The following FBXO21 variants were observed in gnomAD, a reference collection of about 807,000 sequenced individuals.
FBXO21 encodes F-box protein 21.
Under a neutral mutation model 76.6 loss-of-function variants are expected in FBXO21, and 32 were observed. The ratio of observed to expected loss-of-function variants is 0.42; its 90% CI spans 0.32 to 0.56. The LOEUF (loss-of-function observed/expected upper bound fraction) is 0.56, where lower values mean the gene tolerates loss of function less well. Ranked by LOEUF, FBXO21 falls within the 20% of genes least tolerant of loss-of-function variation. The pLI, the probability that FBXO21 is intolerant of heterozygous loss-of-function variation, is 0.16. For synonymous variants in FBXO21, 328 were observed against 311.5 expected (o/e 1.05, Z -0.56); for missense variants, 586 against 797.3 (o/e 0.73, Z 3.19).
intron 3 of FBXO21, among the ~76,000 whole-genome samples, chr12:117,181,926 C>A (rs1176966726): frequency 1.3e-5 from 2 of 152,176 alleles, no homozygotes; most frequent in Non-Finnish European, 1.5e-5. Flanking sequence ...CATGGGATTA[C>A]AGGTGTGAGC....
At chr12:117,158,388 C>G (rs528056829) in intron 9 of FBXO21, among the ~76,000 whole-genome samples, 10 of 152,308 alleles carry the variant, frequency 6.6e-5, no homozygotes, top group East Asian at 1.9e-4. Context: ...GAGGGCCCAC[C>G]ACCTAGGGCA....
At chr12:117,179,305 C>T (rs922950944) in intron 3 of FBXO21, among the ~76,000 whole-genome samples, 1 of 152,150 alleles carries the variant, frequency 6.6e-6, no homozygotes, top group Admixed American at 6.5e-5. Flanking sequence ...CCCTCCGGGG[C>T]CCCCCGCAAC....
intron 11 of FBXO21, among the ~76,000 whole-genome samples, chr12:117,154,074 G>A (rs2135850544): frequency 6.6e-6 from 1 of 152,330 alleles, no homozygotes; most frequent in Admixed American, 6.5e-5. Context: ...TTATTCTTGT[G>A]AACGCCATTT....
Position 117,189,380 on chromosome 12 carries a change from C to T in FBXO21, c.240-18G>A. On this transcript the variant is annotated intron_variant, in intron 1 of 11. Transcript: ENST00000622495. ...AAGGCCACCTACGAGGAGAGAAACACCCCCTCAGCTTAACAGAAACTCAAA... is the reference window on the plus strand; with the variant it reads ...AAGGCCACCTACGAGGAGAGAAACATCCCCTCAGCTTAACAGAAACTCAAA... The T allele has an allele frequency of 5.6e-6, 9 of 1,613,948 alleles. No homozygotes were observed. Among genetic ancestry groups the T allele is most frequent in the Non-Finnish European group, 7.6e-6 (9 of 1,179,886 alleles).
chr12:117,189,069 G>GA, intron 2 of FBXO21, 158 bp downstream of exon 2: 1 of 789,968 alleles, frequency 1.3e-6, no homozygotes. Context: ...TGGATAGGAG[G>GA]AAAAGGACAC....
chr12:117,168,218 T>G (rs993489183), intron 7 of FBXO21, among the ~76,000 whole-genome samples: 1 of 152,230 alleles, frequency 6.6e-6, no homozygotes, highest in Admixed American at 6.5e-5. Flanking sequence ...TGAGTCATAT[T>G]TATAACCTAC....
chr12:117,152,535 G>GGA (rs763059525), intron 11 of FBXO21, among the ~76,000 whole-genome samples: 3 of 150,604 alleles, frequency 2.0e-5, no homozygotes, highest in South Asian at 2.1e-4. Flanking sequence ...AAAAAGGGGG[G>GGA]AAAAAAAATG....
chr12:117,154,901 A>C (rs1000616096), intron 11 of FBXO21, among the ~76,000 whole-genome samples: 2 of 152,198 alleles, frequency 1.3e-5, no homozygotes, highest in Non-Finnish European at 2.9e-5. Context: ...AGGCTCTGTC[A>C]AGCTGCCTGG....
chr12:117,142,418 ATGT>A lies in FBXO21; in HGVS notation c.*3666_*3668del, dbSNP rs1367651023. The A allele has an allele frequency of 6.6e-6, 1 of 152,392 alleles. No homozygotes were observed. Among genetic ancestry groups the A allele is most frequent in the Admixed American group, 6.5e-5 (1 of 15,284 alleles). 9.4% of individuals were successfully genotyped at this position (152,392 alleles called of 1,614,324 possible). Reference sequence around the variant, plus strand: ...CCTGCAGCCTGTTTTTGAGCTAAGAATGTTGTTGACACTTTTAAAAACAGAGAA... The same window carrying A: ...CCTGCAGCCTGTTTTTGAGCTAAGAATGTTGACACTTTTAAAAACAGAGAA... On this transcript the variant is annotated 3_prime_UTR_variant, in exon 12 of 12. Transcript: ENST00000622495.
At chr12:117,163,687 A>G (rs907762238) in intron 9 of FBXO21, among the ~76,000 whole-genome samples, 1 of 152,184 alleles carries the variant, frequency 6.6e-6, no homozygotes, top group African/African-American at 2.4e-5. Flanking sequence ...TCACGCCTGC[A>G]GTCCCAGCAC....
In FBXO21 at chr12:117,190,365, A is replaced by T. The variant is rs1227195122; in HGVS notation, c.92T>A (p.Val31Asp). ...CTCCAGCACCTCACCCGGCAGGTTGACGAGGCAGCTGAGGCCCGCTACCTC... is the reference window on the plus strand; with the variant it reads ...CTCCAGCACCTCACCCGGCAGGTTGTCGAGGCAGCTGAGGCCCGCTACCTC... ...APEVAGLSCL[V>D]NLPGEVLEYI... The change falls in exon 1 of 12, where the codon GTC becomes GAC. Residue 31 changes from valine to aspartate, a missense_variant. Physicochemically the swap from Val to Asp is radical, Grantham distance 152. This residue lies in a region of FBXO21 where 152 missense variants were observed against 127.2 expected (regional missense o/e 1.19). Coordinates refer to ENST00000622495, the MANE Select transcript of FBXO21 (RefSeq NM_015002.3). 1 of 1,529,114 alleles carries T rather than the reference A, an allele frequency of 6.5e-7. No individual in the cohort carries two copies. The highest frequency in any genetic ancestry group is 8.7e-7 in the Non-Finnish European group (1 of 1,147,668). 94.7% of individuals were successfully genotyped at this position (1,529,114 alleles called of 1,614,324 possible).
intron 11 of FBXO21, among the ~76,000 whole-genome samples, chr12:117,153,242 G>A (rs1022079776): frequency 3.3e-5 from 5 of 152,046 alleles, no homozygotes; most frequent in African/African-American, 1.2e-4. Flanking sequence ...TGAGGAGACA[G>A]CAGTGGGTGT....
chr12:117,164,274 C>CTTTTT (rs538169408), intron 9 of FBXO21, among the ~76,000 whole-genome samples: 1,352 of 126,242 alleles, frequency 0.011, no homozygotes, highest in East Asian at 0.018. Flanking sequence ...CTTTTCTTTT[C>CTTTTT]TTTTTTTTTT....
intron 7 of FBXO21, among the ~76,000 whole-genome samples, chr12:117,170,401 A>G (rs996222942): frequency 2.6e-5 from 4 of 152,240 alleles, no homozygotes; most frequent in African/African-American, 4.8e-5. Context: ...TTCTAAATCT[A>G]TACGGAGAGC....
chr12:117,175,936 AT>A (rs759013596), intron 4 of FBXO21, among the ~76,000 whole-genome samples: 5 of 152,366 alleles, frequency 3.3e-5, no homozygotes, highest in South Asian at 2.1e-4. Flanking sequence ...CTACAAAAAA[AT>A]ATACTATTCT....
At chr12:117,166,595 C>T (rs1397460158) in intron 8 of FBXO21, among the ~76,000 whole-genome samples, 1 of 152,178 alleles carries the variant, frequency 6.6e-6, no homozygotes, top group Admixed American at 6.5e-5. Context: ...CCCTATATGA[C>T]AAATTTTCTT....
intron 11 of FBXO21, among the ~76,000 whole-genome samples, chr12:117,149,574 A>G (rs1361220735): frequency 6.6e-6 from 1 of 152,170 alleles, no homozygotes; most frequent in Non-Finnish European, 1.5e-5. Flanking sequence ...TGTAACTGAG[A>G]GCTGCTGCCA....
chr12:117,147,895 T>C (rs577015911), intron 11 of FBXO21, among the ~76,000 whole-genome samples: 5 of 152,326 alleles, frequency 3.3e-5, no homozygotes, highest in African/African-American at 1.2e-4. Context: ...TCTGAAGCCA[T>C]CCTTGGCACT....
intron 9 of FBXO21, among the ~76,000 whole-genome samples, chr12:117,160,007 A>G (rs985113589): frequency 6.6e-6 from 1 of 152,196 alleles, no homozygotes; most frequent in Non-Finnish European, 1.5e-5. Context: ...CTCTAGGGCT[A>G]GAATGCCGCA....
Sources: allele counts gnomAD v4.1 joint callset (sites outside exome capture counted in the v4.1 genomes callset), GRCh38; gene constraint gnomAD v4.1.1; regional missense constraint gnomAD v4.1.1; transcripts MANE v1.5; gene names NCBI Gene and HGNC (gene_info 2026-07-23, HGNC 2026-07-21).